The following TBC1D19 variants were observed in gnomAD, a reference collection of about 807,000 sequenced individuals.
TBC1D19 encodes the protein TBC1 domain family member 19.
Under a neutral mutation model 89.0 loss-of-function variants are expected in TBC1D19, and 60 were observed. The observed-to-expected ratio is 0.67, with a 90% CI of 0.55 to 0.84. TBC1D19 has a LOEUF of 0.84. TBC1D19 is among the 40% of genes least tolerant of loss of function. TBC1D19 has a pLI of 0.00. For missense variants in TBC1D19, 500 were observed against 610.8 expected (o/e 0.82, Z 1.91); for synonymous variants, 189 against 199.7 (o/e 0.95, Z 0.45).
At chr4:26,780,903 G>T in the TBC1D19 span, among the ~76,000 whole-genome samples, 6 of 152,280 alleles carry the variant, frequency 3.9e-5, no homozygotes, top group East Asian at 1.2e-3. Flanking sequence ...GTGGAGATTT[G>T]CCATCTATGA....
intron 10 of TBC1D19, 134 bp downstream of exon 10, chr4:26,672,321 A>C: frequency 1.5e-6 from 1 of 674,818 alleles, no homozygotes; most frequent in Non-Finnish European, 2.2e-6. Flanking sequence ...ATATTTAACC[A>C]TGTAGATTAC....
the TBC1D19 span, among the ~76,000 whole-genome samples, chr4:26,810,995 C>T: frequency 3.9e-5 from 6 of 152,148 alleles, no homozygotes; most frequent in Admixed American, 2.6e-4. Context: ...CCAAGCAATC[C>T]CATTACTGGG....
intron 8 of TBC1D19, among the ~76,000 whole-genome samples, chr4:26,660,524 G>C (rs567600321): frequency 6.6e-6 from 1 of 152,084 alleles, no homozygotes; most frequent in South Asian, 2.1e-4. Context: ...TGCTGGAGCC[G>C]GACCCTATAA....
chr4:26,704,767 C>T lies in TBC1D19; in HGVS notation c.955-13166C>T, dbSNP rs956528247. Among the ~76,000 whole-genome samples the T allele has an allele frequency of 2.0e-5, 3 of 152,060 alleles. No individual in the cohort carries two copies. In the South Asian group the frequency reaches 6.2e-4, roughly 32 times the overall value. ...AATAAATTCTGGGAGTAGTGCAGAA[C>T]TTAGTGATGGCTTCAGAATAGAAAT... is the stretch of plus-strand genomic sequence containing the variant. On this transcript the variant is annotated intron_variant, in intron 13 of 20. Transcript: ENST00000264866.
the TBC1D19 span, among the ~76,000 whole-genome samples, chr4:26,789,462 C>A: frequency 1.3e-5 from 2 of 152,138 alleles, no homozygotes; most frequent in Non-Finnish European, 2.9e-5. Context: ...TGAAAATGTT[C>A]ATCACTAATC....
chr4:26,808,727 C>CAAAAA, the TBC1D19 span, among the ~76,000 whole-genome samples: 2 of 95,056 alleles, frequency 2.1e-5, no homozygotes, highest in South Asian at 3.7e-4. Flanking sequence ...GACTCTGTCT[C>CAAAAA]AAAAAAAAAA....
At chr4:26,646,122 C>CAA (rs1170955624) in intron 7 of TBC1D19, among the ~76,000 whole-genome samples, 106 of 41,406 alleles carry the variant, frequency 2.6e-3, no homozygotes, top group African/African-American at 5.2e-3. Context: ...GACTCCGTCT[C>CAA]AAAAAAAAAA....
the TBC1D19 span, among the ~76,000 whole-genome samples, chr4:26,799,415 C>G: frequency 6.6e-6 from 1 of 152,168 alleles, no homozygotes; most frequent in East Asian, 1.9e-4. Flanking sequence ...AACTCAGAAG[C>G]TATAAAAGGA....
chr4:26,737,068 A>C lies in TBC1D19; in HGVS notation c.1117+1581A>C, dbSNP rs538510003. On this transcript the variant is annotated intron_variant, in intron 16 of 20. Coordinates refer to ENST00000264866, the MANE Select transcript of TBC1D19 (RefSeq NM_018317.4). ...TTTTGCCTTTGTACCAAGAATCTGCAATAAACACTTTTCTTTGTAAACATC... is the reference window on the plus strand; with the variant it reads ...TTTTGCCTTTGTACCAAGAATCTGCCATAAACACTTTTCTTTGTAAACATC... Among the ~76,000 whole-genome samples the C allele has an allele frequency of 1.6e-4, 24 of 152,338 alleles. No homozygotes were observed. The South Asian group carries it at 4.8e-3, about 30-fold the overall frequency.
chr4:26,735,102 ATG>A (rs1390141177), intron 15 of TBC1D19, among the ~76,000 whole-genome samples: 1 of 151,260 alleles, frequency 6.6e-6, no homozygotes, highest in Non-Finnish European at 1.5e-5. Context: ...ACATGTATAT[ATG>A]TATATATGTA....
At chr4:26,702,789 G>A (rs1250582272) in intron 13 of TBC1D19, among the ~76,000 whole-genome samples, 1 of 152,086 alleles carries the variant, frequency 6.6e-6, no homozygotes, top group African/African-American at 2.4e-5. Context: ...TAGGCACAGT[G>A]CTGTACAGCA....
chr4:26,829,913 G>A, the TBC1D19 span, among the ~76,000 whole-genome samples: 1 of 152,188 alleles, frequency 6.6e-6, no homozygotes, highest in African/African-American at 2.4e-5. Flanking sequence ...GCTCTGGTAA[G>A]ACAGGGCTCT....
Position 26,678,683 on chromosome 4 carries a change from A to T in TBC1D19, c.816+4795A>T, listed in dbSNP as rs567137304. The stretch of plus-strand genomic sequence containing the variant: ...TGGGCAGGGAGGTGACTGCACCTGT[A>T]AAAATAAGCTATCAGCTTACATTGT... On this transcript the variant is annotated intron_variant, in intron 11 of 20. Transcript: ENST00000264866. Among the ~76,000 whole-genome samples the T allele has an allele frequency of 5.3e-5, 8 of 152,330 alleles. No homozygotes were observed. In the South Asian group the frequency reaches 1.7e-3, roughly 32 times the overall value.
At chr4:26,675,348 A>T (rs1481029277) in intron 11 of TBC1D19, among the ~76,000 whole-genome samples, 1 of 152,094 alleles carries the variant, frequency 6.6e-6, no homozygotes, top group African/African-American at 2.4e-5. Context: ...CATTTTTTAC[A>T]GTGTTCAAAA....
intron 19 of TBC1D19, among the ~76,000 whole-genome samples, chr4:26,753,486 CA>C (rs891023183): frequency 1.3e-5 from 2 of 151,678 alleles, no homozygotes; most frequent in Non-Finnish European, 2.9e-5. Context: ...AAAACAAAAA[CA>C]AAAAAAACTC....
intron 4 of TBC1D19, among the ~76,000 whole-genome samples, chr4:26,635,711 G>C (rs576103480): frequency 2.0e-4 from 30 of 152,212 alleles, no homozygotes; most frequent in Admixed American, 7.9e-4. Flanking sequence ...GCTAGACATA[G>C]TGTGATTTGT....
At chr4:26,710,322 G>A (rs1577969349) in intron 13 of TBC1D19, among the ~76,000 whole-genome samples, 2 of 151,852 alleles carry the variant, frequency 1.3e-5, no homozygotes, top group East Asian at 1.9e-4. Context: ...GAGAATGATG[G>A]TTTCTAGCTT....
chr4:26,822,622 C>T, the TBC1D19 span, among the ~76,000 whole-genome samples: 9 of 152,042 alleles, frequency 5.9e-5, no homozygotes, highest in Non-Finnish European at 7.4e-5. Context: ...ATGATTGTTT[C>T]GACCCCTCTT....
intron 15 of TBC1D19, among the ~76,000 whole-genome samples, chr4:26,732,353 C>T (rs1205404311): frequency 2.0e-5 from 3 of 152,172 alleles, no homozygotes; most frequent in African/African-American, 2.4e-5. Context: ...AGTCCTCCTC[C>T]GCCCTAGCCT....
Sources: allele counts gnomAD v4.1 joint callset (sites outside exome capture counted in the v4.1 genomes callset), GRCh38; gene constraint gnomAD v4.1.1; transcripts MANE v1.5; gene names NCBI Gene and HGNC (gene_info 2026-07-23, HGNC 2026-07-21).